TNFSF10: variants seen among roughly 807,000 people sequenced by gnomAD.
TNFSF10 encodes the protein TNF superfamily member 10.
In TNFSF10, 13 loss-of-function variants were observed where a neutral mutation model predicts 29.5. The ratio of observed to expected loss-of-function variants is 0.44; its 90% confidence interval spans 0.29 to 0.70. The LOEUF is 0.70. TNFSF10 is among the 30% of genes least tolerant of loss of function. The pLI is 0.13. For missense variants in TNFSF10, 345 were observed against 330.9 expected, an observed-to-expected ratio of 1.04 and a Z score of -0.33; for synonymous variants, 111 against 112.8, an observed-to-expected ratio of 0.98 and a Z score of 0.10.
At chr3:172,510,496 T>C (rs1713176010) in intron 3 of TNFSF10, among the ~76,000 whole-genome samples, 1 of 152,046 alleles carries the variant, frequency 6.6e-6, no homozygotes, top group Non-Finnish European at 1.5e-5. Flanking sequence ...AAAGCAAATT[T>C]TTAAAAGAGG....
In TNFSF10 at chr3:172,522,350, AG is replaced by A. The variant is rs1713735986; in HGVS notation, c.132+902del. The A allele has an allele frequency of 7.0e-6, 8 of 1,137,546 alleles. No homozygotes were observed. The South Asian group carries it at 9.7e-5, about 14-fold the overall frequency. 70.5% of individuals were successfully genotyped at this position (1,137,546 alleles called of 1,614,324 possible). A position where few individuals can be genotyped will look rare whatever the true frequency, so the allele number is the denominator to read the frequency against. ...GAGCTACATTACAGATTTTTTCGAC[AG>A]GAAGTATCACAGTAACAAGGCCCTA... On this transcript the variant is annotated intron_variant, in intron 1 of 4. Transcript: ENST00000241261.
intron 1 of TNFSF10, among the ~76,000 whole-genome samples, chr3:172,519,942 C>T (rs78896868): frequency 0.01 from 1,573 of 152,138 alleles, 21 homozygotes; most frequent in African/African-American, 0.036. Flanking sequence ...ACCCTGTGGA[C>T]ATCCCACTGT....
intron 1 of TNFSF10, chr3:172,517,429 C>T (rs1414400467): frequency 2.0e-6 from 2 of 984,856 alleles, no homozygotes; most frequent in African/African-American, 3.5e-5. Flanking sequence ...TACATTATTA[C>T]CCAGGAGTTT....
rs772388571 is a variant in TNFSF10 at position 172,511,017 on chromosome 3, C to T, written c.313+600G>A. On this transcript the variant is annotated intron_variant, in intron 3 of 4. Transcript: ENST00000241261. ...TGACAATTACGTGAGCTGTAAAGTA[C>T]GATGGAGTGCCAGATGGAAAGCTAA... Among the ~76,000 whole-genome samples, 14 of 152,110 alleles carry T rather than the reference C, an allele frequency of 9.2e-5. No homozygotes were observed. In the East Asian group the frequency reaches 9.6e-4, roughly 10 times the overall value.
At chr3:172,522,477 T>C in intron 1 of TNFSF10, 1 of 1,256,842 alleles carries the variant, frequency 8.0e-7, no homozygotes. Context: ...TAGAATCTCT[T>C]ACTGTGCACC....
intron 4 of TNFSF10, among the ~76,000 whole-genome samples, chr3:172,508,618 A>G (rs1181018291): frequency 6.6e-6 from 1 of 151,988 alleles, no homozygotes; most frequent in Non-Finnish European, 1.5e-5. Flanking sequence ...GGCTGGGTGC[A>G]GTGGCTCACA....
At chr3:172,513,466 GC>G (rs1272520064) in intron 2 of TNFSF10, among the ~76,000 whole-genome samples, 3 of 152,144 alleles carry the variant, frequency 2.0e-5, no homozygotes, top group Non-Finnish European at 2.9e-5. Context: ...TGTGGAGTGG[GC>G]CCCCCTGTCT....
chr3:172,513,861 T>C (rs983833097), intron 2 of TNFSF10, among the ~76,000 whole-genome samples: 35 of 151,268 alleles, frequency 2.3e-4, no homozygotes, highest in African/African-American at 8.3e-4. Flanking sequence ...GTTTTTGAGA[T>C]AGAGTCTTGC....
intron 1 of TNFSF10, 21 bp downstream of exon 1, chr3:172,523,232 A>G (rs1362716641): frequency 2.5e-6 from 4 of 1,572,056 alleles, no homozygotes; most frequent in Non-Finnish European, 3.5e-6. Context: ...TCGAAGACTG[A>G]GTGCACTGCA....
At position 172,523,328 on chromosome 3, in the gene TNFSF10, G is replaced by T. The variant is rs370600128; in HGVS notation, c.57C>A (p.Ile19=). The change falls in exon 1 of 5, where the codon ATC becomes ATA. Residue 19 remains isoleucine (I), a synonymous_variant. Coordinates refer to ENST00000241261, the MANE Select transcript of TNFSF10 (RefSeq NM_003810.4). The part of the protein sequence containing the change: ...GPSLGQTCVL[I]VIFTVLLQSL... ...ACTGCAGGAGCACTGTGAAGATCAC[G>T]ATCAGCACGCAGGTCTGTCCCAGGC... The T allele has an allele frequency of 6.8e-6, 11 of 1,614,074 alleles. No homozygotes were observed. The highest frequency in any genetic ancestry group is 7.6e-6 in the Non-Finnish European group (9 of 1,179,946).
intron 1 of TNFSF10, chr3:172,518,443 C>A (rs563472173): frequency 7.8e-7 from 1 of 1,289,268 alleles, no homozygotes; most frequent in Non-Finnish European, 1.0e-6. Flanking sequence ...AGACATTAGT[C>A]TCTGGCAATC....
At chr3:172,514,412 TTATCTC>T (rs1713349043) in intron 2 of TNFSF10, among the ~76,000 whole-genome samples, 1 of 152,210 alleles carries the variant, frequency 6.6e-6, no homozygotes, top group African/African-American at 2.4e-5. Context: ...TCCTCTTTCT[TTATCTC>T]TATATGCATA....
intron 3 of TNFSF10, among the ~76,000 whole-genome samples, chr3:172,509,915 C>G (rs1379895347): frequency 6.7e-6 from 1 of 148,850 alleles, no homozygotes; most frequent in Non-Finnish European, 1.5e-5. Context: ...GGAGGCGGAG[C>G]TTGCAGTGAG....
In TNFSF10 at chr3:172,514,867, A is replaced by G. The variant is rs1361650310; in HGVS notation, c.264T>C (p.Val88=). 6.2e-7 allele frequency: 1 copy of G among 1,614,116 alleles called. No homozygotes were observed. The highest frequency in any genetic ancestry group is 2.2e-5 in the East Asian group (1 of 44,888). The change falls in exon 2 of 5, where the codon GTT becomes GTC. Residue 88 remains valine, a synonymous_variant. Transcript: ENST00000241261. ...WQVKWQLRQL[V]RKMILRTSEE... Reference sequence around the variant, plus strand: ...ACCTGGTGAGGTTACCTACCTTTCTAACGAGCTGACGGAGTTGCCACTTGA... The same window carrying G: ...ACCTGGTGAGGTTACCTACCTTTCTGACGAGCTGACGGAGTTGCCACTTGA...
intron 1 of TNFSF10, chr3:172,522,514 C>A: frequency 1.2e-6 from 1 of 852,638 alleles, no homozygotes; most frequent in Non-Finnish European, 1.9e-6. Context: ...ACATTGGACT[C>A]AAAAGGAAAA....
At chr3:172,523,172 G>A (rs868244969) in intron 1 of TNFSF10, 81 bp downstream of exon 1, 15 of 1,470,402 alleles carry the variant, frequency 1.0e-5, no homozygotes, top group Middle Eastern at 2.1e-4. Context: ...CTTCAGAGAG[G>A]GGCAAGCTGA....
chr3:172,514,783 C>A, intron 2 of TNFSF10, 78 bp downstream of exon 2: 1 of 1,552,276 alleles, frequency 6.4e-7, no homozygotes, highest in South Asian at 1.2e-5. Flanking sequence ...ACTTGATTAT[C>A]TTAAAGATTC....
intron 1 of TNFSF10, among the ~76,000 whole-genome samples, chr3:172,516,337 T>C (rs1713438030): frequency 6.6e-6 from 1 of 152,150 alleles, no homozygotes; most frequent in Non-Finnish European, 1.5e-5. Flanking sequence ...TAATCTGTTA[T>C]TTGAACTAAG....
chr3:172,510,665 G>A (rs1713182520), intron 3 of TNFSF10, among the ~76,000 whole-genome samples: 1 of 151,768 alleles, frequency 6.6e-6, no homozygotes, highest in Admixed American at 6.6e-5. Context: ...AACAGTACAT[G>A]CATCTATCTG....
Sources: gnomAD v4.1 joint callset for allele counts (sites outside exome capture counted in the v4.1 genomes callset) on GRCh38, gnomAD v4.1.1 for gene constraint, MANE v1.5 for transcripts, NCBI Gene and HGNC (gene_info 2026-07-23, HGNC 2026-07-21) for gene names.